NAALADL2: variants seen among roughly 807,000 people sequenced by gnomAD.
NAALADL2 encodes N-acetylated alpha-linked acidic dipeptidase like 2.
A neutral mutation model predicts 87.2 loss-of-function variants in NAALADL2; 76 were observed. The ratio of observed to expected loss-of-function variants is 0.87; its 90% CI spans 0.72 to 1.05. The LOEUF is 1.05. NAALADL2 is among the 50% of genes least tolerant of loss of function. The probability of loss-of-function intolerance (pLI) is 0.00; values close to 1 mark genes in which losing one functional copy is unlikely to be tolerated. For missense variants in NAALADL2, 1,089 were observed against 945.8 expected (o/e 1.15, Z -1.99); for synonymous variants, 354 against 331.0 (o/e 1.07, Z -0.75).
At chr3:174,603,938 T>C (rs1358400793) in intron 2 of NAALADL2, among the ~76,000 whole-genome samples, 1 of 152,192 alleles carries the variant, frequency 6.6e-6, no homozygotes, top group Admixed American at 6.5e-5. Flanking sequence ...CATGATATTA[T>C]TTCAGATTTT....
intron 1 of NAALADL2, among the ~76,000 whole-genome samples, chr3:175,024,709 A>G (rs986903880): frequency 6.8e-6 from 1 of 147,710 alleles, no homozygotes; most frequent in Non-Finnish European, 1.5e-5. Context: ...AAAGAGCAGT[A>G]ATTATCTTAT....
intron 9 of NAALADL2, among the ~76,000 whole-genome samples, chr3:175,538,435 A>G (rs896589838): frequency 3.3e-5 from 5 of 152,096 alleles, no homozygotes; most frequent in African/African-American, 1.2e-4. Flanking sequence ...TAGATTACCA[A>G]TCCCAAGGGA....
rs2110100448 is a variant in NAALADL2, at chr3:175,284,399, A to AT, written c.939+27871dup. 2.0e-5 allele frequency among the ~76,000 whole-genome samples: 3 copies of AT among 152,088 alleles called. No homozygotes were observed. In the South Asian group the frequency reaches 6.2e-4, roughly 31 times the overall value. ...ATATTTCATTTTCTTATACTATTATATTCTGATTATATTATGTCTTCCATT... is the reference window on the plus strand; with the variant it reads ...ATATTTCATTTTCTTATACTATTATATTTCTGATTATATTATGTCTTCCATT... On this transcript the variant is annotated intron_variant, in intron 4 of 13. Coordinates refer to ENST00000454872, the MANE Select transcript of NAALADL2 (RefSeq NM_207015.3).
intron 2 of NAALADL2, among the ~76,000 whole-genome samples, chr3:175,136,576 A>G (rs1167778761): frequency 1.3e-5 from 2 of 152,202 alleles, no homozygotes; most frequent in Non-Finnish European, 2.9e-5. Context: ...AATATTGCAG[A>G]CATTGTGATG....
chr3:175,120,879 C>G (rs544197522), intron 2 of NAALADL2, among the ~76,000 whole-genome samples: 45 of 151,858 alleles, frequency 3.0e-4, no homozygotes, highest in African/African-American at 1.0e-3. Flanking sequence ...TAGAACAAGA[C>G]TAATTTGGGC....
intron 1 of NAALADL2, among the ~76,000 whole-genome samples, chr3:174,464,059 A>G (rs1355591016): frequency 6.6e-6 from 1 of 152,144 alleles, no homozygotes; most frequent in Non-Finnish European, 1.5e-5. Flanking sequence ...TGATAAACAT[A>G]TTGGTCAGGA....
intron 13 of NAALADL2, among the ~76,000 whole-genome samples, chr3:175,799,218 TGAAG>T (rs1347933791): frequency 2.6e-5 from 4 of 151,692 alleles, no homozygotes; most frequent in Non-Finnish European, 5.9e-5. Flanking sequence ...ACTCATAAAG[TGAAG>T]GAAGAGAATT....
At chr3:175,036,049 T>C (rs1411775030) in intron 1 of NAALADL2, among the ~76,000 whole-genome samples, 1 of 152,196 alleles carries the variant, frequency 6.6e-6, no homozygotes, top group East Asian at 1.9e-4. Context: ...ACAATTTTAC[T>C]AGGTCAGTAA....
intron 2 of NAALADL2, among the ~76,000 whole-genome samples, chr3:174,708,609 G>C (rs1166919153): frequency 2.6e-5 from 4 of 152,066 alleles, no homozygotes; most frequent in Non-Finnish European, 5.9e-5. Flanking sequence ...TGAGTCAAAT[G>C]CTATAAAGAT....
At position 175,380,901 on chromosome 3, in the gene NAALADL2, T is replaced by A. The variant is rs578178761; in HGVS notation, c.1090+56576T>A. ...TAAAGCTTTAAATATTGTTTTTTTT[T>A]AAATTTTCAACATCTTTTATCTATG... On this transcript the variant is annotated intron_variant, in intron 5 of 13. Coordinates refer to ENST00000454872, the MANE Select transcript of NAALADL2 (RefSeq NM_207015.3). 1.1e-4 allele frequency among the ~76,000 whole-genome samples: 17 copies of A among 152,230 alleles called. 1 individual carries two copies. The highest frequency in any genetic ancestry group is 3.3e-4 in the Admixed American group (5 of 15,284).
chr3:174,936,204 T>C (rs1323912360), intron 1 of NAALADL2, among the ~76,000 whole-genome samples: 3 of 152,118 alleles, frequency 2.0e-5, no homozygotes, highest in Non-Finnish European at 4.4e-5. Context: ...TTGTTATATA[T>C]ATGCTTTCCA....
intron 2 of NAALADL2, among the ~76,000 whole-genome samples, chr3:174,581,600 G>A (rs547316555): frequency 6.6e-6 from 1 of 152,300 alleles, no homozygotes; most frequent in African/African-American, 2.4e-5. Flanking sequence ...ATTTCATCTT[G>A]TCTTAGTAAA....
chr3:174,666,358 T>C (rs1725955462), intron 2 of NAALADL2, among the ~76,000 whole-genome samples: 1 of 152,204 alleles, frequency 6.6e-6, no homozygotes, highest in Non-Finnish European at 1.5e-5. Context: ...ATAGTATGAA[T>C]TACTTAACAT....
In NAALADL2 at chr3:174,926,311, A is replaced by G. The variant is rs139376559; in HGVS notation, c.43+66861A>G. Among the ~76,000 whole-genome samples, 466 of 152,292 alleles carry G rather than the reference A, an allele frequency of 3.1e-3. 2 individuals are homozygous for G. The highest frequency in any genetic ancestry group is 0.011 in the African/African-American group (443 of 41,558). On this transcript the variant is annotated intron_variant, in intron 1 of 13. Coordinates refer to ENST00000454872, the MANE Select transcript of NAALADL2 (RefSeq NM_207015.3). ...GGTATTATCCAGGAGAACTTCCCCA[A>G]TCTAGCAAGGCAGGCCAACATTCAG...
At chr3:175,198,856 C>T (rs1225280116) in intron 2 of NAALADL2, among the ~76,000 whole-genome samples, 1 of 150,466 alleles carries the variant, frequency 6.6e-6, no homozygotes, top group Non-Finnish European at 1.5e-5. Flanking sequence ...AAAATAAATA[C>T]AGTGAGTTTT....
chr3:175,468,609 C>T (rs974276974), intron 8 of NAALADL2, among the ~76,000 whole-genome samples: 1 of 151,644 alleles, frequency 6.6e-6, no homozygotes, highest in African/African-American at 2.4e-5. Context: ...CTATTTCAAA[C>T]TATATTTTAG....
chr3:175,341,454 A>C (rs1762559776), intron 5 of NAALADL2, among the ~76,000 whole-genome samples: 1 of 152,094 alleles, frequency 6.6e-6, no homozygotes, highest in South Asian at 2.1e-4. Flanking sequence ...AAATAATCTT[A>C]TTACAAATAT....
chr3:175,215,688 C>A (rs10936827), intron 2 of NAALADL2, among the ~76,000 whole-genome samples: 62,237 of 152,032 alleles, frequency 0.41, 14,655 homozygotes, highest in Non-Finnish European at 0.53. Flanking sequence ...GGAGGGGGTA[C>A]AGTTGTCTCC....
At chr3:175,273,590 G>A (rs549443451) in intron 4 of NAALADL2, among the ~76,000 whole-genome samples, 2 of 151,574 alleles carry the variant, frequency 1.3e-5, no homozygotes, top group South Asian at 2.1e-4. Flanking sequence ...TTAATTCTTC[G>A]ATTTTAAGAT....
Sources: gnomAD v4.1 joint callset for allele counts (sites outside exome capture counted in the v4.1 genomes callset) on GRCh38, gnomAD v4.1.1 for gene constraint, MANE v1.5 for transcripts, NCBI Gene and HGNC (gene_info 2026-07-23, HGNC 2026-07-21) for gene names.